DENND2A: variants seen among roughly 807,000 people sequenced by gnomAD.
The protein encoded by DENND2A is DENN domain-containing protein 2A.
Under a neutral mutation model 105.3 loss-of-function variants are expected in DENND2A, and 53 were observed. The observed-to-expected ratio is 0.50, with a 90% CI of 0.40 to 0.63. The LOEUF (loss-of-function observed/expected upper bound fraction) is 0.63, where lower values mean the gene tolerates loss of function less well. Ranked by LOEUF, DENND2A falls within the 30% of genes least tolerant of loss-of-function variation. The pLI, the probability that DENND2A is intolerant of heterozygous loss-of-function variation, is 0.00. For synonymous variants in DENND2A, 522 were observed against 508.4 expected (o/e 1.03, Z -0.36); for missense variants, 1,138 against 1,279.6 (o/e 0.89, Z 1.69).
chr7:140,584,802 A>G (rs1430251949), intron 5 of DENND2A, among the ~76,000 whole-genome samples: 2 of 152,146 alleles, frequency 1.3e-5, no homozygotes, highest in East Asian at 3.8e-4. Flanking sequence ...GTAAGTTTAC[A>G]TATATGTATA....
chr7:140,606,755 C>G (rs1013864973), intron 1 of DENND2A, among the ~76,000 whole-genome samples: 1 of 152,182 alleles, frequency 6.6e-6, no homozygotes, highest in Non-Finnish European at 1.5e-5. Context: ...GTTCCTTAAA[C>G]CCCCCAAATA....
At chr7:140,551,110 G>A (rs1797117505) in intron 12 of DENND2A, among the ~76,000 whole-genome samples, 1 of 151,202 alleles carries the variant, frequency 6.6e-6, no homozygotes, top group Non-Finnish European at 1.5e-5. Context: ...AGACCAGCCT[G>A]GCCAACATGG....
intron 12 of DENND2A, among the ~76,000 whole-genome samples, chr7:140,552,213 C>T (rs572749454): frequency 6.6e-6 from 1 of 152,314 alleles, no homozygotes; most frequent in African/African-American, 2.4e-5. Flanking sequence ...CCAACCCCAA[C>T]ATAAAGTGAT....
rs139491302 is a variant in DENND2A at position 140,530,880 on chromosome 7, C to T, written c.2328-3385G>A. Among the ~76,000 whole-genome samples, 1,299 of 152,160 alleles carry T rather than the reference C, an allele frequency of 8.5e-3. 8 individuals carry two copies. The highest frequency in any genetic ancestry group is 0.024 in the Middle Eastern group (7 of 294). ...AGTGTAGCTGAGATTAACAGGCATG[C>T]GCCACCATGCCTGGCTAATTTTTGT... On this transcript the variant is annotated intron_variant, in intron 14 of 19. Coordinates refer to ENST00000496613, the MANE Select transcript of DENND2A (RefSeq NM_015689.5).
At chr7:140,593,396 G>A (rs1416818970) in intron 3 of DENND2A, among the ~76,000 whole-genome samples, 1 of 152,206 alleles carries the variant, frequency 6.6e-6, no homozygotes, top group African/African-American at 2.4e-5. Flanking sequence ...AGAATGAGCT[G>A]GTTGTTCCAA....
Position 140,602,025 on chromosome 7 carries a change from C to G in DENND2A, c.373G>C (p.Gly125Arg), listed in dbSNP as rs1423072997. Residue 125 changes from glycine to arginine, a missense_variant, in exon 3 of 20, where the codon GGG becomes CGG. By Grantham distance (125) the Gly-to-Arg change is moderately radical. This residue lies in a region of DENND2A where 511 missense variants were observed against 499.9 expected (regional missense o/e 1.02). Coordinates refer to ENST00000496613, the MANE Select transcript of DENND2A (RefSeq NM_015689.5). ...CGTTCTGGCTGGCTTAGGTCTTGCCCCGGCTCTGGGTCCTGTCCCCCGACG... is the reference window on the plus strand; with the variant it reads ...CGTTCTGGCTGGCTTAGGTCTTGCCGCGGCTCTGGGTCCTGTCCCCCGACG... Reference protein sequence around the residue: ...VNVGGQDPEPGQDLSQPEREV... With the variant: ...VNVGGQDPEPRQDLSQPEREV... 2 of 1,614,188 alleles carry G rather than the reference C, an allele frequency of 1.2e-6. No individual in the cohort carries two copies. Among genetic ancestry groups the G allele is most frequent in the Non-Finnish European group, 1.7e-6 (2 of 1,180,022 alleles).
At position 140,544,711 on chromosome 7, in the gene DENND2A, G is replaced by A. The variant is rs781723195; in HGVS notation, c.2234C>T (p.Ser745Phe). The A allele has an allele frequency of 3.7e-6, 6 of 1,612,628 alleles. No homozygotes were observed. Among genetic ancestry groups the A allele is most frequent in the South Asian group, 3.3e-5 (3 of 90,768 alleles). The change falls in exon 14 of 20, where the codon TCT becomes TTT. Residue 745 changes from serine (S) to phenylalanine (F), a missense_variant. Physicochemically the swap from Ser to Phe is radical, Grantham distance 155 (BLOSUM62 -2). Coordinates refer to ENST00000496613, the MANE Select transcript of DENND2A (RefSeq NM_015689.5). ...DSRLEHVDFE[S>F]LFSSLSVRHL... ...GCGGACGCTGAGGGAGGAGAAGAGA[G>A]ACTCAAAGTCCACGTGCTCGAGCCG...
At chr7:140,585,480 A>T in intron 5 of DENND2A, 109 bp downstream of exon 5, 1 of 1,465,862 alleles carries the variant, frequency 6.8e-7, no homozygotes, top group Non-Finnish European at 9.4e-7. Context: ...GGAGCCCGGC[A>T]GGGCAGGTGG....
chr7:140,608,325 GA>G lies in DENND2A; in HGVS notation c.-247-2520del, dbSNP rs375303265. ...CCACCAGCATTTCTGAATTCACAAA[GA>G]TATTAAAAATGCTGCTGTAAAAAAC... On this transcript the variant is annotated intron_variant, in intron 1 of 19. Coordinates refer to ENST00000496613, the MANE Select transcript of DENND2A (RefSeq NM_015689.5). Among the ~76,000 whole-genome samples, 7 of 152,246 alleles carry G rather than the reference GA, an allele frequency of 4.6e-5. No individual in the cohort carries two copies. In the East Asian group the frequency reaches 1.3e-3, roughly 29 times the overall value.
intron 6 of DENND2A, among the ~76,000 whole-genome samples, chr7:140,571,423 A>C (rs1443114281): frequency 6.6e-6 from 1 of 152,112 alleles, no homozygotes; most frequent in African/African-American, 2.4e-5. Flanking sequence ...CAGCCTCCCA[A>C]AGTGCTGGGA....
intron 14 of DENND2A, among the ~76,000 whole-genome samples, chr7:140,535,153 C>T (rs551881962): frequency 2.0e-5 from 3 of 152,238 alleles, no homozygotes; most frequent in East Asian, 3.9e-4. Context: ...TAAGATGCTA[C>T]CAGAAAAGTA....
At chr7:140,598,137 C>T (rs761474234) in intron 3 of DENND2A, among the ~76,000 whole-genome samples, 3 of 152,052 alleles carry the variant, frequency 2.0e-5, no homozygotes, top group Admixed American at 6.6e-5. Flanking sequence ...AAACCAGGCC[C>T]GAATGGGAAT....
At position 140,583,467 on chromosome 7, in the gene DENND2A, G is replaced by A. The variant is rs1441297674; in HGVS notation, c.1245+2122C>T. The stretch of plus-strand genomic sequence containing the variant: ...AACTGGGCCTCAGAGGATGGGGAGA[G>A]GTCCCGGTAAGAGCCAAGGGCAGAG... On this transcript the variant is annotated intron_variant, in intron 5 of 19. Coordinates refer to ENST00000496613, the MANE Select transcript of DENND2A (RefSeq NM_015689.5). Among the ~76,000 whole-genome samples the A allele has an allele frequency of 2.7e-5, 4 of 150,186 alleles. 1 individual carries two copies. Among genetic ancestry groups the A allele is most frequent in the Admixed American group, 6.6e-5 (1 of 15,206 alleles).
chr7:140,539,266 C>T (rs1030360514), intron 14 of DENND2A, among the ~76,000 whole-genome samples: 5 of 152,188 alleles, frequency 3.3e-5, no homozygotes, highest in Non-Finnish European at 5.9e-5. Flanking sequence ...GAGGTGGATA[C>T]GGATTCTTCC....
chr7:140,525,896 C>T (rs915545753), intron 15 of DENND2A, 104 bp from the exon 16 acceptor site: 33 of 981,068 alleles, frequency 3.4e-5, no homozygotes, highest in Middle Eastern at 4.4e-4. Flanking sequence ...GCAGCTGGGG[C>T]GGGGCTGGAG....
At position 140,519,823 on chromosome 7, in the gene DENND2A, T is replaced by C. The variant is rs767779220; in HGVS notation, c.2912-105A>G. The C allele has an allele frequency of 7.7e-5, 77 of 1,000,940 alleles. No individual in the cohort carries two copies. The Admixed American group carries it at 1.3e-3, about 18-fold the overall frequency. The allele number at this position is 1,000,940 out of a possible 1,614,324, so 62.0% of individuals were successfully genotyped here. On this transcript the variant is annotated intron_variant, in intron 18 of 19. Coordinates refer to ENST00000496613, the MANE Select transcript of DENND2A (RefSeq NM_015689.5). ...AAAAGAGAAACCTTGTTTCTGAGAC[T>C]AAGCTGCTCCTATAAACATGCTCTG...
chr7:140,546,775 G>T (rs1046287006), intron 13 of DENND2A, 24 bp downstream of exon 13: 22 of 1,612,558 alleles, frequency 1.4e-5, no homozygotes, highest in Non-Finnish European at 1.9e-5. Context: ...TCCCCAGGGA[G>T]AAGGAAGGAG....
chr7:140,638,313 T>C (rs1801029257), intron 1 of DENND2A, among the ~76,000 whole-genome samples: 1 of 152,182 alleles, frequency 6.6e-6, no homozygotes, highest in Non-Finnish European at 1.5e-5. Flanking sequence ...ACTCAGAAGG[T>C]CCACATTCCT....
chr7:140,597,790 C>T (rs996968305), intron 3 of DENND2A, among the ~76,000 whole-genome samples: 10 of 152,204 alleles, frequency 6.6e-5, no homozygotes, highest in African/African-American at 1.7e-4. Flanking sequence ...CCAGAAGGGG[C>T]GTGGAAGGGC....
Sources: gnomAD v4.1 joint callset for allele counts (sites outside exome capture counted in the v4.1 genomes callset) on GRCh38, gnomAD v4.1.1 for gene constraint, gnomAD v4.1.1 regional missense constraint, MANE v1.5 for transcripts, NCBI Gene and HGNC (gene_info 2026-07-23, HGNC 2026-07-21) for gene names.